Variants in ACTR1B observed in about 807,000 individuals in gnomAD.
ACTR1B encodes beta-centractin.
ACTR1B carries 34 observed loss-of-function variants against 49.4 expected under a neutral mutation model. The ratio of observed to expected loss-of-function variants is 0.69; its 90% CI spans 0.52 to 0.92. The LOEUF is 0.92. ACTR1B is among the 40% of genes least tolerant of loss of function. ACTR1B has a pLI of 0.00. For synonymous variants in ACTR1B, 207 were observed against 207.8 expected, an observed-to-expected ratio of 1.00 and a Z score of 0.03; for missense variants, 471 against 522.4, an observed-to-expected ratio of 0.90 and a Z score of 0.96.
At chr2:97,662,018 G>A in intron 1 of ACTR1B, 72 bp from the exon 2 acceptor site, 3 of 1,484,420 alleles carry the variant, frequency 2.0e-6, no homozygotes, top group Non-Finnish European at 1.8e-6. Flanking sequence ...AATGGAGAGA[G>A]CTGGCTGCCC....
rs781453544 is a variant in ACTR1B, at chr2:97,658,108, C to G, written c.760G>C (p.Ala254Pro). The change falls in exon 8 of 11, where the codon GCA (alanine) becomes CCA (proline). Residue 254 changes from alanine to proline, a missense_variant. Physicochemically the swap from Ala to Pro is conservative, Grantham distance 27. Coordinates refer to ENST00000289228, the MANE Select transcript of ACTR1B (RefSeq NM_005735.4). The surrounding 1 kb of genome is among the most constrained non-coding windows in gnomAD (Gnocchi z 5.9). ...PDGSTLDVGP[A>P]RFRAPELLFQ... Reference sequence around the variant, plus strand: ...AGCAGCTCGGGGGCCCGGAATCGTGCAGGCCCCACCTTTAGTGTACAAGAT... The same window carrying G: ...AGCAGCTCGGGGGCCCGGAATCGTGGAGGCCCCACCTTTAGTGTACAAGAT... The G allele has an allele frequency of 6.2e-7, 1 of 1,613,918 alleles. No homozygotes were observed. The highest frequency in any genetic ancestry group is 8.5e-7 in the Non-Finnish European group (1 of 1,179,994).
intron 1 of ACTR1B, among the ~76,000 whole-genome samples, chr2:97,662,787 A>G (rs1675055210): frequency 6.6e-6 from 1 of 152,188 alleles, no homozygotes; most frequent in Non-Finnish European, 1.5e-5. Context: ...AAGCCTGTTG[A>G]TTAGCCTATA....
At chr2:97,657,411 C>T (rs369294161) in intron 9 of ACTR1B, 37 bp downstream of exon 9, 57 of 1,610,396 alleles carry the variant, frequency 3.5e-5, no homozygotes, top group Admixed American at 1.7e-4. Flanking sequence ...AGGCTGCCAG[C>T]GCCCTAGTGC....
rs113766020 is a variant in ACTR1B, at chr2:97,658,920, G to A, written c.399C>T (p.Asn133=). ...KAAEVFFETF[N]VPALFISMQA... ...GCATGGAGATGAACAGGGCCGGCAC[G>A]TTGAAGGTCTCAAAGAACACCTCTG... Residue 133 remains asparagine (N), a synonymous_variant, in exon 5 of 11, where the codon AAC becomes AAT. Transcript: ENST00000289228. This position sits in a 1 kb window ranked among gnomAD's most constrained non-coding sequence, Gnocchi z 5.9. 1.5e-3 allele frequency: 2,484 copies of A among 1,614,088 alleles called. 6 individuals are homozygous for A. The highest frequency in any genetic ancestry group is 1.8e-3 in the Non-Finnish European group (2,135 of 1,180,014).
intron 1 of ACTR1B, among the ~76,000 whole-genome samples, chr2:97,663,494 G>C (rs1198505313): frequency 2.0e-5 from 3 of 152,188 alleles, no homozygotes; most frequent in Non-Finnish European, 4.4e-5. Flanking sequence ...ACGCGGAAAG[G>C]AACTGGTGTG....
At chr2:97,657,232 C>T (rs770280839) in intron 9 of ACTR1B, 40 bp from the exon 10 acceptor site, 2 of 1,605,992 alleles carry the variant, frequency 1.2e-6, no homozygotes, top group South Asian at 1.1e-5. Context: ...TGGATCCCCA[C>T]CCAGAAGCCA....
chr2:97,663,333 C>T (rs1675077301), intron 1 of ACTR1B, among the ~76,000 whole-genome samples: 1 of 152,336 alleles, frequency 6.6e-6, no homozygotes, highest in East Asian at 1.9e-4. Flanking sequence ...GTCAAAGTAG[C>T]CAAAAGGCAA....
chr2:97,658,591 T>A lies in ACTR1B; in HGVS notation c.493A>T (p.Thr165Ser). 3.1e-6 allele frequency: 5 copies of A among 1,613,798 alleles called. No homozygotes were observed. Among genetic ancestry groups the A allele is most frequent in the Non-Finnish European group, 4.2e-6 (5 of 1,179,950 alleles). ...CCCTCATAGATGGGCACAGCATGAG[T>A]GACCCCGTCCCCTGAGTCTAGAACC... ...GVVLDSGDGV[T>S]HAVPIYEGFA... The change falls in exon 6 of 11, where the codon ACT becomes TCT. Residue 165 changes from threonine (T) to serine (S), a missense_variant. Physicochemically the swap from Thr to Ser is moderately conservative, Grantham distance 58 (BLOSUM62 1). Transcript: ENST00000289228. This position sits in a 1 kb window ranked among gnomAD's most constrained non-coding sequence, Gnocchi z 5.9.
At position 97,657,188 on chromosome 2, in the gene ACTR1B, G is replaced by A. The variant is rs765785816; in HGVS notation, c.992C>T (p.Ser331Leu). The A allele has an allele frequency of 3.6e-5, 58 of 1,613,320 alleles. No homozygotes were observed. The highest frequency in any genetic ancestry group is 2.3e-4 in the Admixed American group (14 of 59,958). Residue 331 changes from serine to leucine, a missense_variant, in exon 10 of 11, where the codon TCA becomes TTA. Ser to Leu is a moderately radical substitution (Grantham distance 145). Coordinates refer to ENST00000289228, the MANE Select transcript of ACTR1B (RefSeq NM_005735.4). Reference sequence around the variant, plus strand: ...GGAGTACAGCCGTTCCTGCGGGGCTGAGATCTAGAAGGAGGAAGTGGCCAC... The same window carrying A: ...GGAGTACAGCCGTTCCTGCGGGGCTAAGATCTAGAAGGAGGAAGTGGCCAC... ...LAPKDIKIKI[S>L]APQERLYSTW...
At chr2:97,662,235 T>A (rs1385402290) in intron 1 of ACTR1B, among the ~76,000 whole-genome samples, 1 of 152,054 alleles carries the variant, frequency 6.6e-6, no homozygotes, top group Non-Finnish European at 1.5e-5. Flanking sequence ...CATCCTACGA[T>A]GCACAGGCGA....
intron 2 of ACTR1B, among the ~76,000 whole-genome samples, chr2:97,661,035 G>A (rs562864860): frequency 1.6e-4 from 24 of 152,318 alleles, no homozygotes; most frequent in Admixed American, 6.5e-4. Context: ...AAGCTGGGTC[G>A]GGGCTCCCTT....
At position 97,659,021 on chromosome 2, in the gene ACTR1B, G is replaced by C; in HGVS notation, c.316-18C>G. 6.2e-7 allele frequency: 1 copy of C among 1,614,010 alleles called. No individual in the cohort carries two copies. The highest frequency in any genetic ancestry group is 8.5e-7 in the Non-Finnish European group (1 of 1,180,000). ...ACAGGATGCTGCGAGGGACGGGACAGTTGTAGGCATCAGAGGAGGCAACTT... is the reference window on the plus strand; with the variant it reads ...ACAGGATGCTGCGAGGGACGGGACACTTGTAGGCATCAGAGGAGGCAACTT... On this transcript the variant is annotated intron_variant, in intron 4 of 10. Transcript: ENST00000289228. The surrounding 1 kb of genome is among the most constrained non-coding windows in gnomAD (Gnocchi z 4.0).
Position 97,659,797 on chromosome 2 carries a change from C to T in ACTR1B, c.190-320G>A. 2.4e-6 allele frequency: 1 copy of T among 411,610 alleles called. No homozygotes were observed. The highest frequency in any genetic ancestry group is 7.1e-4 in the Middle Eastern group (1 of 1,406). 25.5% of individuals were successfully genotyped at this position (411,610 alleles called of 1,614,324 possible). A position where few individuals can be genotyped will look rare whatever the true frequency, so the allele number is the denominator to read the frequency against. On this transcript the variant is annotated intron_variant, in intron 3 of 10. Transcript: ENST00000289228. This position sits in a 1 kb window ranked among gnomAD's most constrained non-coding sequence, Gnocchi z 4.0. ...GCACATCCCCCACATTCTCCTCACA[C>T]TCTGCCAGCTCCCCTCTGGCCAGCG...
chr2:97,661,937 C>T lies in ACTR1B; in HGVS notation c.58G>A (p.Val20Met), dbSNP rs749160469. ...QPVVIDNGSGVIKAGFAGDQI... is the reference protein window; with the variant it reads ...QPVVIDNGSGMIKAGFAGDQI... ...TCTCCTGCAAAGCCAGCTTTAATCA[C>T]CCCCGAACCCTGCAAGGAAAAACAA... The change falls in exon 2 of 11, where the codon GTG (valine) becomes ATG (methionine). Residue 20 changes from valine to methionine, a missense_variant. Val to Met is a conservative substitution (Grantham distance 21). Transcript: ENST00000289228. 2 of 1,592,158 alleles carry T rather than the reference C, an allele frequency of 1.3e-6. No homozygotes were observed. The highest frequency in any genetic ancestry group is 1.3e-5 in the African/African-American group (1 of 74,700).
chr2:97,663,118 A>T (rs976388301), intron 1 of ACTR1B, among the ~76,000 whole-genome samples: 1 of 152,220 alleles, frequency 6.6e-6, no homozygotes, highest in Admixed American at 6.5e-5. Context: ...CTCGGAAGCC[A>T]GAAATCTTCC....
At chr2:97,657,796 A>T in intron 8 of ACTR1B, 147 bp downstream of exon 8, 5 of 957,922 alleles carry the variant, frequency 5.2e-6, no homozygotes, top group South Asian at 1.6e-5. Flanking sequence ...AACAAAATTT[A>T]ATTTTAAATT....
At chr2:97,660,534 C>T (rs772064883) in intron 3 of ACTR1B, 37 bp downstream of exon 3, 3 of 1,599,898 alleles carry the variant, frequency 1.9e-6, no homozygotes, top group South Asian at 1.1e-5. Context: ...CAACTGAGGA[C>T]CCCACCCCCA....
Position 97,656,543 on chromosome 2 carries a change from A to T in ACTR1B, c.*315T>A, listed in dbSNP as rs1674847234. ...GGCATTCTGGCCCTGGAGCTCAGGG[A>T]GGCAGCCCTGAGAGTCGGAGCAGGG... On this transcript the variant is annotated 3_prime_UTR_variant, in exon 11 of 11. Transcript: ENST00000289228. The T allele has an allele frequency of 3.2e-6, 1 of 308,952 alleles. No homozygotes were observed. Among genetic ancestry groups the T allele is most frequent in the Non-Finnish European group, 6.1e-6 (1 of 162,758 alleles). 19.1% of individuals were successfully genotyped at this position (308,952 alleles called of 1,614,324 possible). A position where few individuals can be genotyped will look rare whatever the true frequency, so the allele number is the denominator to read the frequency against.
rs1371839908 is a variant in ACTR1B at position 97,657,976 on chromosome 2, T to C, written c.892A>G (p.Ile298Val). Residue 298 changes from isoleucine (I) to valine (V), a missense_variant, in exon 8 of 11, where the codon ATC becomes GTC. Transcript: ENST00000289228. ...AGCGTTGAGCCACCTGAGAGCACGATGTTGGCGAACAGCGTCCGGCGCAGG... is the reference window on the plus strand; with the variant it reads ...AGCGTTGAGCCACCTGAGAGCACGACGTTGGCGAACAGCGTCCGGCGCAGG... ...MDLRRTLFAN[I>V]VLSGGSTLFK... The C allele has an allele frequency of 6.2e-7, 1 of 1,614,032 alleles. No homozygotes were observed. Among genetic ancestry groups the C allele is most frequent in the African/African-American group, 1.3e-5 (1 of 74,922 alleles).
Sources: gnomAD v4.1 joint callset for allele counts (sites outside exome capture counted in the v4.1 genomes callset) on GRCh38, gnomAD v4.1.1 for gene constraint, Gnocchi (gnomAD v3.1) non-coding constraint, MANE v1.5 for transcripts, NCBI Gene and HGNC (gene_info 2026-07-23, HGNC 2026-07-21) for gene names.